Variants in TMED6 observed in about 807,000 individuals in gnomAD.
The protein encoded by TMED6 is transmembrane p24 trafficking protein 6, also known as transmembrane emp24 domain-containing protein 6.
TMED6 carries 17 observed loss-of-function variants against 26.5 expected under a neutral mutation model. The observed-to-expected ratio is 0.64, with a 90% CI of 0.44 to 0.96. TMED6 has a LOEUF of 0.96. Among genes scored for constraint, TMED6 ranks in the 40% least tolerant of loss-of-function variants. The pLI is 0.00. For missense variants in TMED6, 309 were observed against 296.5 expected (o/e 1.04, Z -0.31); for synonymous variants, 107 against 106.2 (o/e 1.01, Z -0.04).
At chr16:69,346,961 G>A (rs145826618) in intron 3 of TMED6, among the ~76,000 whole-genome samples, 3,845 of 152,126 alleles carry the variant, frequency 0.025, 63 homozygotes, top group Non-Finnish European at 0.043. Context: ...TTGCTTGAGC[G>A]CAGGAGGTTG....
At chr16:69,351,425 T>C (rs1029273973) in intron 1 of TMED6, 116 bp downstream of exon 1, 1 of 897,898 alleles carries the variant, frequency 1.1e-6, no homozygotes, top group Non-Finnish European at 1.7e-6. Flanking sequence ...CATTAACAGG[T>C]GGGGAATCAC....
chr16:69,346,319 GTGGAAAAACCTAAATATCCATCA>G (rs1397158410), intron 3 of TMED6, among the ~76,000 whole-genome samples: 1 of 152,170 alleles, frequency 6.6e-6, no homozygotes, highest in East Asian at 1.9e-4. Context: ...TAGCCAAGAG[GTGGAAAAACCTAAATATCCATCA>G]TGTCCATTAA....
chr16:69,349,164 T>C (rs1000571616), intron 2 of TMED6, among the ~76,000 whole-genome samples: 1 of 152,248 alleles, frequency 6.6e-6, no homozygotes, highest in African/African-American at 2.4e-5. Flanking sequence ...CTGACTCAAA[T>C]ATTCTGATGA....
chr16:69,348,242 T>G (rs917315154), intron 2 of TMED6: 1 of 222,272 alleles, frequency 4.5e-6, no homozygotes, highest in African/African-American at 2.3e-5. Context: ...GCTCAACAGA[T>G]TGAGTTGAAG....
At chr16:69,346,620 C>T (rs530530224) in intron 3 of TMED6, among the ~76,000 whole-genome samples, 376 of 152,038 alleles carry the variant, frequency 2.5e-3, no homozygotes, top group Non-Finnish European at 4.5e-3. Context: ...AAAAATTAGC[C>T]GGGCATGGTG....
chr16:69,349,591 G>C lies in TMED6; in HGVS notation c.274C>G (p.Gln92Glu), dbSNP rs2012743351. 2 of 1,614,034 alleles carry C rather than the reference G, an allele frequency of 1.2e-6. No homozygotes were observed. Among genetic ancestry groups the C allele is most frequent in the Non-Finnish European group, 1.7e-6 (2 of 1,179,964 alleles). ...RHVAATAHNP[Q>E]GFLIDTSQGV... ...TGGGAGGTGTCTATGAGAAATCCCT[G>C]TGGGTTATGTGCCGTGGCAGCAACA... The change falls in exon 2 of 4, where the codon CAG becomes GAG. Residue 92 changes from glutamine (Q) to glutamate (E), a missense_variant. Transcript: ENST00000288025.
In TMED6 at chr16:69,343,344, AT is replaced by A; in HGVS notation, c.*62del. On this transcript the variant is annotated 3_prime_UTR_variant, in exon 4 of 4. Coordinates refer to ENST00000288025, the MANE Select transcript of TMED6 (RefSeq NM_144676.4). ...AGATAATTGATTTTTGTCCCATAAC[AT>A]TACAAAGCTGATTCGACTAAGCCCC... is the stretch of plus-strand genomic sequence containing the variant. The A allele has an allele frequency of 7.0e-7, 1 of 1,424,548 alleles. No individual in the cohort carries two copies. Among genetic ancestry groups the A allele is most frequent in the East Asian group, 2.4e-5 (1 of 41,460 alleles). 88.2% of individuals were successfully genotyped at this position (1,424,548 alleles called of 1,614,324 possible).
chr16:69,351,032 C>A (rs535495275), intron 1 of TMED6, among the ~76,000 whole-genome samples: 2 of 151,284 alleles, frequency 1.3e-5, no homozygotes, highest in Non-Finnish European at 2.9e-5. Context: ...AAAACACTTA[C>A]CGTCCTAAAA....
At chr16:69,345,290 G>GAAAA (rs1439882268) in intron 3 of TMED6, among the ~76,000 whole-genome samples, 1 of 151,002 alleles carries the variant, frequency 6.6e-6, no homozygotes, top group Non-Finnish European at 1.5e-5. Flanking sequence ...AAAGAAAAAA[G>GAAAA]AAAGTGAAAA....
intron 1 of TMED6, among the ~76,000 whole-genome samples, chr16:69,351,287 G>A (rs2012771928): frequency 6.6e-6 from 1 of 152,112 alleles, no homozygotes; most frequent in Non-Finnish European, 1.5e-5. Flanking sequence ...ACCTCTTCAG[G>A]GAGAGGCACC....
intron 3 of TMED6, 100 bp downstream of exon 3, chr16:69,347,688 C>T (rs567007505): frequency 6.7e-7 from 1 of 1,501,028 alleles, no homozygotes; most frequent in Non-Finnish European, 9.1e-7. Context: ...AAATTCACAT[C>T]CCCTTGCCTG....
chr16:69,350,274 A>G (rs1446758147), intron 1 of TMED6, among the ~76,000 whole-genome samples: 1 of 151,194 alleles, frequency 6.6e-6, no homozygotes, highest in Non-Finnish European at 1.5e-5. Context: ...TCTGTCAAAA[A>G]AAAAAAAAAA....
At chr16:69,343,744 A>G (rs2012629948) in intron 3 of TMED6, 104 bp from the exon 4 acceptor site, 3 of 871,116 alleles carry the variant, frequency 3.4e-6, no homozygotes, top group East Asian at 2.5e-5. Flanking sequence ...ATTTACCCAT[A>G]TGATTTTAAG....
rs193018603 is a variant in TMED6, at chr16:69,348,067, T to C, written c.341-131A>G. 670 of 986,558 alleles carry C rather than the reference T, an allele frequency of 6.8e-4. 5 individuals are homozygous for C. In the African/African-American group the frequency reaches 9.6e-3, roughly 14 times the overall value. 61.1% of individuals were successfully genotyped at this position (986,558 alleles called of 1,614,324 possible). On this transcript the variant is annotated intron_variant, in intron 2 of 3. Transcript: ENST00000288025. Reference sequence around the variant, plus strand: ...TCTTTTTACTTAGAAAGTACAAAGATCCCGTTTTTGACATGGAAGACACGG... The same window carrying C: ...TCTTTTTACTTAGAAAGTACAAAGACCCCGTTTTTGACATGGAAGACACGG...
In TMED6 at chr16:69,347,917, T is replaced by C. The variant is rs1358842036; in HGVS notation, c.360A>G (p.Leu120=). 1.2e-6 allele frequency: 2 copies of C among 1,614,100 alleles called. No homozygotes were observed. Among genetic ancestry groups the C allele is most frequent in the Non-Finnish European group, 8.5e-7 (1 of 1,179,988 alleles). The change falls in exon 3 of 4, where the codon CTA becomes CTG. Residue 120 remains leucine, a synonymous_variant. Coordinates refer to ENST00000288025, the MANE Select transcript of TMED6 (RefSeq NM_144676.4). ...TQETGFYQLC[L]SNQHNHFGSV... The stretch of plus-strand genomic sequence containing the variant: ...AACCGAAGTGATTATGCTGATTACT[T>C]AGACAAAGCTGATAAAAACCTGTAG...
chr16:69,343,720 T>G, intron 3 of TMED6, 80 bp from the exon 4 acceptor site: 2 of 1,078,122 alleles, frequency 1.9e-6, no homozygotes, highest in Admixed American at 2.1e-5. Context: ...CACTAACCTA[T>G]CTCAAGTCAA....
chr16:69,350,203 CA>C (rs2012753145), intron 1 of TMED6, among the ~76,000 whole-genome samples: 1 of 147,232 alleles, frequency 6.8e-6, no homozygotes, highest in Non-Finnish European at 1.5e-5. Context: ...ACCCGGGAGG[CA>C]GGGATTGCAG....
intron 2 of TMED6, among the ~76,000 whole-genome samples, chr16:69,348,640 G>A (rs116260528): frequency 0.018 from 2,663 of 151,158 alleles, 87 homozygotes; most frequent in African/African-American, 0.061. Context: ...TTTTTTAGAC[G>A]AGTCTCGCTC....
In TMED6 at chr16:69,349,558, G is replaced by T. The variant is rs755352517; in HGVS notation, c.307C>A (p.Arg103=). Residue 103 remains arginine (R), a synonymous_variant, in exon 2 of 4, where the codon CGG becomes AGG. Transcript: ENST00000288025. ...TGGGTAGAGAAGTTAATCTGGCCCC[G>T]AACACCCTGGGAGGTGTCTATGAGA... The part of the protein sequence containing the change: ...GFLIDTSQGV[R]GQINFSTQET... 1 of 1,613,776 alleles carries T rather than the reference G, an allele frequency of 6.2e-7. No individual in the cohort carries two copies. Among genetic ancestry groups the T allele is most frequent in the South Asian group, 1.1e-5 (1 of 91,046 alleles).
Sources: allele counts gnomAD v4.1 joint callset (sites outside exome capture counted in the v4.1 genomes callset), GRCh38; gene constraint gnomAD v4.1.1; transcripts MANE v1.5; gene names NCBI Gene and HGNC (gene_info 2026-07-23, HGNC 2026-07-21).